The following ACSL4 variants were observed in gnomAD, a reference collection of about 807,000 sequenced individuals.
ACSL4 encodes long-chain-fatty-acid--CoA ligase 4.
In ACSL4, 9 loss-of-function variants were observed where a neutral mutation model predicts 49.1. The observed-to-expected ratio is 0.18, with a 90% CI of 0.11 to 0.32. The LOEUF (loss-of-function observed/expected upper bound fraction) is 0.32. ACSL4 is among the 10% of genes least tolerant of loss of function. ACSL4 has a pLI of 1.00. For synonymous variants in ACSL4, 191 were observed against 170.3 expected (o/e 1.12, Z -0.95); for missense variants, 333 against 493.7 (o/e 0.67, Z 3.08).
rs572814464 is a variant in ACSL4, at chrX:109,728,779, A to G, written c.-66+4360T>C. On this transcript the variant is annotated intron_variant, in intron 1 of 15. Coordinates refer to ENST00000672401, the MANE Select transcript of ACSL4 (RefSeq NM_001318510.2). The stretch of plus-strand genomic sequence containing the variant: ...TCTTGACACCAAAAGCACAGTCCAT[A>G]GAGGAAAAATTAATAAACTGGACCT... Among the ~76,000 whole-genome samples the G allele has an allele frequency of 2.7e-5, 3 of 112,507 alleles. No individual in the cohort carries two copies. The South Asian group carries it at 1.1e-3, about 41-fold the overall frequency.
chrX:109,689,910 A>G (rs1169745713), intron 2 of ACSL4, among the ~76,000 whole-genome samples: 1 of 112,223 alleles, frequency 8.9e-6, no homozygotes, highest in African/African-American at 3.2e-5. Context: ...GTTGGCTTCA[A>G]TCAAATTGTT....
At chrX:109,684,008 T>C (rs1924392125) in intron 2 of ACSL4, among the ~76,000 whole-genome samples, 1 of 111,652 alleles carries the variant, frequency 9.0e-6, no homozygotes, top group Non-Finnish European at 1.9e-5. Context: ...TTTAAGTTTG[T>C]CAAAACTTTG....
intron 8 of ACSL4, 106 bp downstream of exon 8, chrX:109,677,882 G>T: frequency 9.2e-7 from 1 of 1,088,693 alleles, no homozygotes; most frequent in Non-Finnish European, 1.3e-6. Flanking sequence ...TTGAGGTCAA[G>T]GAGAAAGCTT....
In ACSL4 at chrX:109,731,254, T is replaced by C. The variant is rs1014339185; in HGVS notation, c.-66+1885A>G. Among the ~76,000 whole-genome samples, 6 of 110,804 alleles carry C rather than the reference T, an allele frequency of 5.4e-5. No homozygotes were observed. In the South Asian group the frequency reaches 1.1e-3, roughly 21 times the overall value. Reference sequence around the variant, plus strand: ...TTATATGTGTGTGTGTATACCTATATATACACGTGTGTATATATATATTTG... The same window carrying C: ...TTATATGTGTGTGTGTATACCTATACATACACGTGTGTATATATATATTTG... On this transcript the variant is annotated intron_variant, in intron 1 of 15. Transcript: ENST00000672401.
chrX:109,678,991 A>G (rs1252214603), intron 6 of ACSL4, among the ~76,000 whole-genome samples: 3 of 112,152 alleles, frequency 2.7e-5, no homozygotes, highest in Non-Finnish European at 5.6e-5. Flanking sequence ...GAGTATGTGT[A>G]TAAACTTCTT....
chrX:109,727,657 T>TTGTGTGTG (rs35186119), intron 1 of ACSL4, among the ~76,000 whole-genome samples: 954 of 88,366 alleles, frequency 0.011, 16 homozygotes, highest in Admixed American at 0.022. Context: ...GTTTGTTAAA[T>TTGTGTGTG]TGTGTGTGTG....
intron 1 of ACSL4, among the ~76,000 whole-genome samples, chrX:109,709,836 G>A (rs962529118): frequency 1.8e-5 from 2 of 112,155 alleles, no homozygotes; most frequent in Non-Finnish European, 3.8e-5. Flanking sequence ...GCCGGGTGCG[G>A]TGGCTCACGC....
chrX:109,695,235 T>C (rs1353023719), intron 2 of ACSL4, among the ~76,000 whole-genome samples: 1 of 108,463 alleles, frequency 9.2e-6, no homozygotes, highest in Non-Finnish European at 1.9e-5. Flanking sequence ...ATCCCAGCTA[T>C]TCAGGAGGCT....
intron 8 of ACSL4, among the ~76,000 whole-genome samples, chrX:109,677,136 A>AT (rs1283874724): frequency 2.7e-5 from 3 of 109,114 alleles, no homozygotes; most frequent in Non-Finnish European, 3.8e-5. Context: ...ATTCTTTTGT[A>AT]TTTTTTTAGT....
rs1306848104 is a variant in ACSL4, at chrX:109,643,221, G to A, written c.*808C>T. The A allele has an allele frequency of 9.0e-6, 1 of 111,463 alleles. No homozygotes were observed. The highest frequency in any genetic ancestry group is 9.6e-5 in the Admixed American group (1 of 10,458). The allele number at this position is 111,463 out of a possible 1,213,427, so 9.2% of individuals were successfully genotyped here. On this transcript the variant is annotated 3_prime_UTR_variant, in exon 16 of 16. Coordinates refer to ENST00000672401, the MANE Select transcript of ACSL4 (RefSeq NM_001318510.2). ...TGCCTGTTAACTTTTTACCTTCCTT[G>A]CTCTTGGTCTCAGCTTTTCAGTTTG... is the stretch of plus-strand genomic sequence containing the variant.
intron 1 of ACSL4, among the ~76,000 whole-genome samples, chrX:109,709,770 C>T (rs183003657): frequency 8.9e-6 from 1 of 112,639 alleles, no homozygotes; most frequent in Admixed American, 9.4e-5. Flanking sequence ...GCCAGTACTT[C>T]GGAAGCTAGA....
intron 15 of ACSL4, among the ~76,000 whole-genome samples, chrX:109,656,855 C>T (rs964425952): frequency 6.3e-5 from 7 of 111,132 alleles, no homozygotes; most frequent in Admixed American, 4.8e-4. Flanking sequence ...TTTAATTTTC[C>T]AATCAATGTT....
intron 15 of ACSL4, among the ~76,000 whole-genome samples, chrX:109,646,702 C>T (rs1458689306): frequency 9.0e-6 from 1 of 110,826 alleles, no homozygotes; most frequent in Admixed American, 9.6e-5. Flanking sequence ...GGACTAAATG[C>T]TCCAATTAAA....
chrX:109,692,899 T>TTA (rs1346468444), intron 2 of ACSL4, among the ~76,000 whole-genome samples: 1 of 112,251 alleles, frequency 8.9e-6, no homozygotes, highest in African/African-American at 3.2e-5. Context: ...TATCTATAGG[T>TTA]TATACATCTA....
chrX:109,694,766 A>G (rs1227614856), intron 2 of ACSL4, among the ~76,000 whole-genome samples: 1 of 111,759 alleles, frequency 8.9e-6, no homozygotes, highest in Admixed American at 9.5e-5. Flanking sequence ...TTCACTAACC[A>G]GCACTGGTCT....
rs980922380 is a variant in ACSL4, at chrX:109,643,388, T to A, written c.*641A>T. The stretch of plus-strand genomic sequence containing the variant: ...CTTTAAATATATTACTAGATATTTT[T>A]TGGTGTTGTATATGTTGTTCTATTC... On this transcript the variant is annotated 3_prime_UTR_variant, in exon 16 of 16. Transcript: ENST00000672401. The A allele has an allele frequency of 8.9e-6, 1 of 112,262 alleles. No homozygotes were observed. The highest frequency in any genetic ancestry group is 1.9e-5 in the Non-Finnish European group (1 of 53,194). 9.3% of individuals were successfully genotyped at this position (112,262 alleles called of 1,213,427 possible). A position where few individuals can be genotyped will look rare whatever the true frequency, so the allele number is the denominator to read the frequency against.
chrX:109,720,045 C>T (rs761083869), intron 1 of ACSL4, among the ~76,000 whole-genome samples: 2 of 111,204 alleles, frequency 1.8e-5, no homozygotes, highest in Admixed American at 9.5e-5. Flanking sequence ...CCTGGCCAGG[C>T]ATGGTGGCAC....
At chrX:109,669,227 G>C in intron 9 of ACSL4, 54 bp from the exon 10 acceptor site, 1 of 965,138 alleles carries the variant, frequency 1.0e-6, no homozygotes, top group Non-Finnish European at 1.5e-6. Context: ...ACAGTCTTTA[G>C]TTGAAGATAC....
chrX:109,722,733 T>C, intron 1 of ACSL4, among the ~76,000 whole-genome samples: 1 of 110,906 alleles, frequency 9.0e-6, no homozygotes, highest in Non-Finnish European at 1.9e-5. Context: ...AACCAGTTAT[T>C]TTAACTAAAA....
Sources: gnomAD v4.1 joint callset for allele counts (sites outside exome capture counted in the v4.1 genomes callset) on GRCh38, gnomAD v4.1.1 for gene constraint, MANE v1.5 for transcripts, NCBI Gene and HGNC (gene_info 2026-07-23, HGNC 2026-07-21) for gene names.